Variants in CDH4 observed in about 807,000 individuals in gnomAD.
CDH4 encodes cadherin 4.
A neutral mutation model predicts 86.0 loss-of-function variants in CDH4; 33 were observed. The ratio of observed to expected loss-of-function variants is 0.38; its 90% confidence interval spans 0.29 to 0.51. The LOEUF is 0.51. CDH4 is among the 20% of genes least tolerant of loss of function. CDH4 has a pLI of 0.86. For synonymous variants in CDH4, 555 were observed against 549.4 expected, an observed-to-expected ratio of 1.01 and a Z score of -0.14; for missense variants, 1,114 against 1,307.4, an observed-to-expected ratio of 0.85 and a Z score of 2.28.
At chr20:61,400,017 C>T (rs1051129588) in intron 2 of CDH4, among the ~76,000 whole-genome samples, 2 of 152,154 alleles carry the variant, frequency 1.3e-5, no homozygotes, top group African/African-American at 2.4e-5. Flanking sequence ...TGTCATTTTT[C>T]AAACCAGTCC....
intron 2 of CDH4, among the ~76,000 whole-genome samples, chr20:61,540,965 T>C (rs1453290196): frequency 6.6e-6 from 1 of 152,166 alleles, no homozygotes; most frequent in Non-Finnish European, 1.5e-5. Context: ...TCCTTGAATT[T>C]CTTTCTGAAA....
In CDH4 at chr20:61,518,372, T is replaced by C. The variant is rs891927554; in HGVS notation, c.170-225191T>C. Among the ~76,000 whole-genome samples, 1 of 152,142 alleles carries C rather than the reference T, an allele frequency of 6.6e-6. No individual in the cohort carries two copies. Reference sequence around the variant, plus strand: ...CCTAAAGGAAAGGTACGTTATCAGATAGGCTGGAATTTGGCCAAATTCTCT... The same window carrying C: ...CCTAAAGGAAAGGTACGTTATCAGACAGGCTGGAATTTGGCCAAATTCTCT... On this transcript the variant is annotated intron_variant, in intron 2 of 15. Coordinates refer to ENST00000614565, the MANE Select transcript of CDH4 (RefSeq NM_001794.5). This position sits in a 1 kb window ranked among gnomAD's most constrained non-coding sequence, Gnocchi z 6.3.
chr20:61,376,318 C>T (rs2084872265), intron 2 of CDH4, among the ~76,000 whole-genome samples: 1 of 152,004 alleles, frequency 6.6e-6, no homozygotes, highest in African/African-American at 2.4e-5. Flanking sequence ...TGGAATTCTG[C>T]TGTGTGGGAT....
chr20:61,645,775 A>G lies in CDH4; in HGVS notation c.170-97788A>G, dbSNP rs115875414. ...GCTGTGGTTATCACCTGCACACACT[A>G]AGGGGGAAACTGAGTCACAGAGTGG... On this transcript the variant is annotated intron_variant, in intron 2 of 15. Coordinates refer to ENST00000614565, the MANE Select transcript of CDH4 (RefSeq NM_001794.5). 6.4e-3 allele frequency among the ~76,000 whole-genome samples: 973 copies of G among 152,204 alleles called. 7 individuals are homozygous for G. Among genetic ancestry groups the G allele is most frequent in the African/African-American group, 0.021 (893 of 41,538 alleles).
At chr20:61,491,280 T>A (rs913369734) in intron 2 of CDH4, among the ~76,000 whole-genome samples, 1 of 152,204 alleles carries the variant, frequency 6.6e-6, no homozygotes, top group African/African-American at 2.4e-5. Context: ...ACATGCCCAG[T>A]TCCACACAGG....
intron 9 of CDH4, among the ~76,000 whole-genome samples, chr20:61,918,731 A>C (rs1439842670): frequency 6.6e-6 from 1 of 152,076 alleles, no homozygotes; most frequent in Non-Finnish European, 1.5e-5. Context: ...TGTCACCCCC[A>C]GGGGCAGTGC....
At chr20:61,512,589 G>A (rs906698503) in intron 2 of CDH4, among the ~76,000 whole-genome samples, 1 of 152,306 alleles carries the variant, frequency 6.6e-6, no homozygotes, top group Non-Finnish European at 1.5e-5. Flanking sequence ...TGAATGGGGC[G>A]AGGGGAAACA....
At chr20:61,327,691 A>G (rs1018592748) in intron 2 of CDH4, among the ~76,000 whole-genome samples, 1 of 152,204 alleles carries the variant, frequency 6.6e-6, no homozygotes, top group African/African-American at 2.4e-5. Context: ...ATCCACCAAG[A>G]TGTAACATGG....
At chr20:61,661,084 CG>C (rs56367674) in intron 2 of CDH4, among the ~76,000 whole-genome samples, 31,546 of 75,292 alleles carry the variant, frequency 0.42, 8,485 homozygotes, top group Middle Eastern at 0.51. Flanking sequence ...GGAGGCATGG[CG>C]GGGGGGGGGG....
intron 7 of CDH4, among the ~76,000 whole-genome samples, chr20:61,876,306 G>C (rs778074210): frequency 3.9e-5 from 6 of 152,262 alleles, no homozygotes; most frequent in African/African-American, 7.2e-5. Context: ...CAGTGGGGAT[G>C]CTTAGGGAGA....
At chr20:61,355,195 T>C (rs2084741667) in intron 2 of CDH4, among the ~76,000 whole-genome samples, 1 of 152,106 alleles carries the variant, frequency 6.6e-6, no homozygotes, top group Non-Finnish European at 1.5e-5. Context: ...TGAACAAACC[T>C]GCCCTGGAGA....
chr20:61,878,879 C>T (rs1984157445), intron 7 of CDH4, among the ~76,000 whole-genome samples: 1 of 152,234 alleles, frequency 6.6e-6, no homozygotes, highest in African/African-American at 2.4e-5. Flanking sequence ...TGTGCCGAGG[C>T]CAGGGCGCCC....
At chr20:61,565,374 G>A (rs1165354798) in intron 2 of CDH4, among the ~76,000 whole-genome samples, 1 of 76,784 alleles carries the variant, frequency 1.3e-5, no homozygotes, top group Non-Finnish European at 2.4e-5. Context: ...TGGTGGTGGT[G>A]GTCCTCTTGG....
intron 2 of CDH4, among the ~76,000 whole-genome samples, chr20:61,307,628 C>G (rs776485762): frequency 2.0e-5 from 3 of 152,236 alleles, no homozygotes; most frequent in Non-Finnish European, 2.9e-5. Context: ...GAATCTGTAG[C>G]TACTGGCTTC....
At chr20:61,614,518 G>A (rs984724292) in intron 2 of CDH4, among the ~76,000 whole-genome samples, 20 of 152,088 alleles carry the variant, frequency 1.3e-4, no homozygotes, top group African/African-American at 4.6e-4. Flanking sequence ...ACAGGTGGCC[G>A]GTGCGTGGGA....
chr20:61,603,936 C>T (rs1437384877), intron 2 of CDH4, among the ~76,000 whole-genome samples: 1 of 152,138 alleles, frequency 6.6e-6, no homozygotes, highest in Non-Finnish European at 1.5e-5. Flanking sequence ...CACACACATG[C>T]ATGCACATAG....
intron 2 of CDH4, among the ~76,000 whole-genome samples, chr20:61,538,781 T>C (rs556745260): frequency 6.6e-6 from 1 of 152,312 alleles, no homozygotes; most frequent in African/African-American, 2.4e-5. Context: ...CCCATCCAGA[T>C]ATGCCACTTC....
intron 2 of CDH4, among the ~76,000 whole-genome samples, chr20:61,373,441 C>T (rs914040521): frequency 2.0e-5 from 3 of 152,232 alleles, no homozygotes; most frequent in Non-Finnish European, 4.4e-5. Context: ...GTTCTAAAAA[C>T]AGCAATGATA....
At chr20:61,667,060 C>T (rs1207294017) in intron 2 of CDH4, among the ~76,000 whole-genome samples, 2 of 152,240 alleles carry the variant, frequency 1.3e-5, no homozygotes, top group East Asian at 1.9e-4. Context: ...GGCATGACGC[C>T]ACCATCTCAT....
Sources: gnomAD v4.1 joint callset for allele counts (sites outside exome capture counted in the v4.1 genomes callset) on GRCh38, gnomAD v4.1.1 for gene constraint, Gnocchi (gnomAD v3.1) non-coding constraint, MANE v1.5 for transcripts, NCBI Gene and HGNC (gene_info 2026-07-23, HGNC 2026-07-21) for gene names.